Variants in SUCLG2 observed in about 807,000 individuals in gnomAD.
The protein encoded by SUCLG2 is succinate--CoA ligase [GDP-forming] subunit beta, mitochondrial.
In SUCLG2, 42 loss-of-function variants were observed where a neutral mutation model predicts 47.9. The ratio of observed to expected loss-of-function variants is 0.88; its 90% CI spans 0.69 to 1.14. The LOEUF is 1.14. SUCLG2 is among the 50% of genes most tolerant of loss of function. The pLI, the probability that SUCLG2 is intolerant of heterozygous loss-of-function variation, is 0.00. For synonymous variants in SUCLG2, 195 were observed against 197.3 expected (o/e 0.99, Z 0.10); for missense variants, 571 against 525.9 (o/e 1.09, Z -0.84).
chr3:67,566,501 A>T lies in SUCLG2; in HGVS notation c.227-37315T>A, dbSNP rs1707457262. Among the ~76,000 whole-genome samples, 3 of 152,242 alleles carry T rather than the reference A, an allele frequency of 2.0e-5. No homozygotes were observed. The South Asian group carries it at 6.2e-4, about 32-fold the overall frequency. The stretch of plus-strand genomic sequence containing the variant: ...TACATATGTATCTCCACACAGAAAA[A>T]TAACTTAAAGGAGTTTCAACTTTTT... On this transcript the variant is annotated intron_variant, in intron 2 of 10. Transcript: ENST00000307227.
At chr3:67,641,810 G>A (rs1701106437) in intron 1 of SUCLG2, among the ~76,000 whole-genome samples, 1 of 152,160 alleles carries the variant, frequency 6.6e-6, no homozygotes, top group African/African-American at 2.4e-5. Context: ...TGAGATCAAG[G>A]TATCAGAAGG....
At chr3:67,628,499 C>A (rs374197040) in intron 1 of SUCLG2, among the ~76,000 whole-genome samples, 1 of 152,220 alleles carries the variant, frequency 6.6e-6, no homozygotes, top group Non-Finnish European at 1.5e-5. Flanking sequence ...TAGCTGACCA[C>A]AGGACTTTTT....
At chr3:67,511,227 C>T (rs1049291804) in intron 6 of SUCLG2, among the ~76,000 whole-genome samples, 2 of 152,136 alleles carry the variant, frequency 1.3e-5, no homozygotes, top group African/African-American at 4.8e-5. Context: ...ATTTCCACTC[C>T]TAAAAAGTGA....
chr3:67,459,249 C>T (rs938047686), intron 9 of SUCLG2, among the ~76,000 whole-genome samples: 4 of 152,288 alleles, frequency 2.6e-5, no homozygotes, highest in African/African-American at 9.6e-5. Flanking sequence ...TAGAGGGAAA[C>T]ACACTTAGTT....
At chr3:67,477,370 C>T (rs566375319) in intron 9 of SUCLG2, among the ~76,000 whole-genome samples, 11 of 152,300 alleles carry the variant, frequency 7.2e-5, no homozygotes, top group African/African-American at 2.6e-4. Flanking sequence ...GTCCTCTTCA[C>T]AGTACTTCTC....
intron 2 of SUCLG2, among the ~76,000 whole-genome samples, chr3:67,548,461 T>TA (rs1706924788): frequency 6.6e-6 from 1 of 152,232 alleles, no homozygotes; most frequent in African/African-American, 2.4e-5. Flanking sequence ...TCAGTACAGT[T>TA]AAACTCTTCA....
intron 1 of SUCLG2, among the ~76,000 whole-genome samples, chr3:67,642,744 A>G (rs1701122598): frequency 6.6e-6 from 1 of 152,202 alleles, no homozygotes; most frequent in African/African-American, 2.4e-5. Flanking sequence ...GGCCCACAGA[A>G]TGTGCTTGAT....
chr3:67,453,664 GC>G (rs1308953907), intron 9 of SUCLG2, among the ~76,000 whole-genome samples: 2 of 152,160 alleles, frequency 1.3e-5, no homozygotes, highest in African/African-American at 4.8e-5. Flanking sequence ...TGGTTACCAG[GC>G]TACAAATCAG....
At chr3:67,623,791 G>A (rs1700776826) in intron 1 of SUCLG2, among the ~76,000 whole-genome samples, 2 of 152,184 alleles carry the variant, frequency 1.3e-5, no homozygotes, top group Non-Finnish European at 2.9e-5. Context: ...CACACTAAGC[G>A]GGTAAAGCAG....
chr3:67,469,876 T>TTA (rs2106981203), intron 9 of SUCLG2, among the ~76,000 whole-genome samples: 1 of 151,876 alleles, frequency 6.6e-6, no homozygotes, highest in African/African-American at 2.4e-5. Context: ...TGAAACCCCA[T>TTA]CTCTACTAAA....
At chr3:67,379,169 C>T (rs538600134) in intron 10 of SUCLG2, among the ~76,000 whole-genome samples, 2 of 152,190 alleles carry the variant, frequency 1.3e-5, no homozygotes, top group Admixed American at 6.5e-5. Context: ...CTGATCTTAA[C>T]CTCCTGACCT....
chr3:67,531,894 T>A (rs1296645453), intron 2 of SUCLG2, among the ~76,000 whole-genome samples: 1 of 152,154 alleles, frequency 6.6e-6, no homozygotes, highest in African/African-American at 2.4e-5. Flanking sequence ...TTTACCAAAT[T>A]GATTCACATG....
At chr3:67,463,923 T>C (rs1704401554) in intron 9 of SUCLG2, among the ~76,000 whole-genome samples, 1 of 152,226 alleles carries the variant, frequency 6.6e-6, no homozygotes, top group Non-Finnish European at 1.5e-5. Context: ...CAAGGAGGTA[T>C]GAAAACAGCA....
chr3:67,483,818 TACTCAAGTCATTCTTGCTGTGG>T (rs1575727335), intron 9 of SUCLG2, among the ~76,000 whole-genome samples: 2 of 152,276 alleles, frequency 1.3e-5, no homozygotes, highest in East Asian at 3.9e-4. Context: ...CCCCCCTACC[TACTCAAGTCATTCTTGCTGTGG>T]AATGAATCTT....
downstream of SUCLG2, among the ~76,000 whole-genome samples, chr3:67,372,345 A>G (rs932276009): frequency 9.9e-5 from 15 of 152,228 alleles, no homozygotes; most frequent in Non-Finnish European, 2.1e-4. Context: ...CACTGGTAAA[A>G]TGGATACTGC....
At chr3:67,432,847 T>C (rs1279542396) in intron 9 of SUCLG2, among the ~76,000 whole-genome samples, 2 of 152,226 alleles carry the variant, frequency 1.3e-5, no homozygotes, top group South Asian at 2.1e-4. Context: ...ATGGAACCTT[T>C]GTTATTTCGG....
chr3:67,605,103 T>C (rs1239701947), intron 2 of SUCLG2, among the ~76,000 whole-genome samples: 1 of 152,150 alleles, frequency 6.6e-6, no homozygotes, highest in Non-Finnish European at 1.5e-5. Flanking sequence ...TAGAACTTTC[T>C]CAGTGTTAGA....
chr3:67,628,591 A>G (rs6772439), intron 1 of SUCLG2, among the ~76,000 whole-genome samples: 55,229 of 151,978 alleles, frequency 0.36, 10,264 homozygotes, highest in Non-Finnish European at 0.39. Flanking sequence ...ATAATTACCA[A>G]TGGGAGGTAA....
chr3:67,572,110 T>C (rs1357699891), intron 2 of SUCLG2, among the ~76,000 whole-genome samples: 2 of 152,220 alleles, frequency 1.3e-5, no homozygotes, highest in South Asian at 2.1e-4. Context: ...AAATTACAAA[T>C]TGCCCCACAT....
Sources: gnomAD v4.1 joint callset for allele counts (sites outside exome capture counted in the v4.1 genomes callset) on GRCh38, gnomAD v4.1.1 for gene constraint, MANE v1.5 for transcripts, NCBI Gene and HGNC (gene_info 2026-07-23, HGNC 2026-07-21) for gene names.